SEMA3A: variants seen among roughly 807,000 people sequenced by gnomAD.
SEMA3A encodes the protein semaphorin-3A.
A neutral mutation model predicts 97.9 loss-of-function variants in SEMA3A; 29 were observed. The observed-to-expected ratio is 0.30, with a 90% CI of 0.22 to 0.40. The LOEUF is 0.40. Ranked by LOEUF, SEMA3A falls within the 10% of genes least tolerant of loss-of-function variation. The pLI, the probability that SEMA3A is intolerant of heterozygous loss-of-function variation, is 1.00. For synonymous variants in SEMA3A, 321 were observed against 323.7 expected (o/e 0.99, Z 0.09); for missense variants, 763 against 951.3 (o/e 0.80, Z 2.60).
chr7:84,186,882 T>A (rs1584100572), intron 1 of SEMA3A, among the ~76,000 whole-genome samples: 1 of 152,168 alleles, frequency 6.6e-6, no homozygotes, highest in East Asian at 1.9e-4. Flanking sequence ...TCTCAATCAG[T>A]ATCTTAAACA....
rs758758240 is a variant in SEMA3A, at chr7:83,961,574, C to T, written c.2113G>A (p.Asp705Asn). 19 of 1,614,108 alleles carry T rather than the reference C, an allele frequency of 1.2e-5. No homozygotes were observed. In the South Asian group the frequency reaches 1.6e-4, roughly 14 times the overall value. ...GGGTGGTTGATGAGCTGCATGAAGT[C>T]TCTGTACCAGACCTTCTGGCTAGGT... Reference protein sequence around the residue: ...MTPSQKVWYRDFMQLINHPNL... With the variant: ...MTPSQKVWYRNFMQLINHPNL... The change falls in exon 17 of 17, where the codon GAC becomes AAC. Residue 705 changes from aspartate to asparagine, a missense_variant. Physicochemically the swap from Asp to Asn is conservative, Grantham distance 23. Around this residue, in one of 2 missense-constraint regions of SEMA3A, gnomAD observed 678 missense variants for 881.3 expected, o/e 0.77. Transcript: ENST00000265362.
At chr7:84,272,828 C>T (rs79970498) in intron 3 of SEMA3A, among the ~76,000 whole-genome samples, 2 of 152,006 alleles carry the variant, frequency 1.3e-5, no homozygotes, top group Admixed American at 1.3e-4. Flanking sequence ...TCCAGCTCAG[C>T]TTTTTTCCAC....
chr7:84,449,501 T>C (rs938940510), intron 1 of SEMA3A, among the ~76,000 whole-genome samples: 50 of 152,070 alleles, frequency 3.3e-4, no homozygotes, highest in African/African-American at 1.2e-3. Context: ...CTACAGATCA[T>C]ACACATATAA....
At chr7:84,479,367 T>C (rs1806385282) in intron 1 of SEMA3A, among the ~76,000 whole-genome samples, 1 of 152,226 alleles carries the variant, frequency 6.6e-6, no homozygotes, top group Non-Finnish European at 1.5e-5. Context: ...GATACAGACA[T>C]AGGTAAAGAC....
At chr7:84,425,470 T>G (rs565007383) in intron 1 of SEMA3A, among the ~76,000 whole-genome samples, 1 of 140,756 alleles carries the variant, frequency 7.1e-6, no homozygotes, top group East Asian at 2.0e-4. Context: ...AATATATACA[T>G]ATATTTATAT....
chr7:84,008,298 T>C (rs1437160683), intron 9 of SEMA3A, among the ~76,000 whole-genome samples: 1 of 152,094 alleles, frequency 6.6e-6, no homozygotes, highest in African/African-American at 2.4e-5. Context: ...GAGACCATCC[T>C]GGCTAACACG....
intron 3 of SEMA3A, among the ~76,000 whole-genome samples, chr7:84,232,142 A>G (rs1301863080): frequency 6.6e-6 from 1 of 151,326 alleles, no homozygotes; most frequent in Non-Finnish European, 1.5e-5. Context: ...GTACAGCCTT[A>G]TTAATATCTG....
chr7:84,267,346 A>T (rs1306698720), intron 3 of SEMA3A, among the ~76,000 whole-genome samples: 2 of 152,146 alleles, frequency 1.3e-5, no homozygotes, highest in Non-Finnish European at 2.9e-5. Flanking sequence ...ACATGCATGT[A>T]CACACGAGCA....
Position 84,051,716 on chromosome 7 carries a change from T to A in SEMA3A, c.548-5273A>T, listed in dbSNP as rs926199969. The stretch of plus-strand genomic sequence containing the variant: ...ATACCCTTTATTTCTTTCTCCTGCC[T>A]AATTGCCCTGGCCAGAACTTCCAAC... On this transcript the variant is annotated intron_variant, in intron 5 of 16. Coordinates refer to ENST00000265362, the MANE Select transcript of SEMA3A (RefSeq NM_006080.3). Among the ~76,000 whole-genome samples, 5 of 152,236 alleles carry A rather than the reference T, an allele frequency of 3.3e-5. 1 individual carries two copies. Among genetic ancestry groups the A allele is most frequent in the Admixed American group, 2.6e-4 (4 of 15,290 alleles).
chr7:84,267,949 T>A (rs1800046723), intron 3 of SEMA3A, among the ~76,000 whole-genome samples: 2 of 152,290 alleles, frequency 1.3e-5, no homozygotes, highest in East Asian at 3.9e-4. Context: ...TACTTTTGTT[T>A]GTAACCTGTC....
At chr7:84,011,411 A>G in intron 7 of SEMA3A, 114 bp from the exon 8 acceptor site, 1 of 717,772 alleles carries the variant, frequency 1.4e-6, no homozygotes, top group South Asian at 1.8e-5. Flanking sequence ...CATGTTTTAA[A>G]AGTTCCTAAT....
intron 4 of SEMA3A, among the ~76,000 whole-genome samples, chr7:84,107,191 T>C (rs1448181971): frequency 1.3e-5 from 2 of 152,192 alleles, no homozygotes; most frequent in African/African-American, 2.4e-5. Flanking sequence ...CTTCTCCCAA[T>C]AGTAGAAGTA....
chr7:84,332,486 CT>C (rs958195247), intron 2 of SEMA3A, among the ~76,000 whole-genome samples: 2 of 152,112 alleles, frequency 1.3e-5, no homozygotes, highest in African/African-American at 4.8e-5. Context: ...TCTGTTCATT[CT>C]TTACTATAAG....
Position 84,174,010 on chromosome 7 carries a change from T to A in SEMA3A, c.112+20465A>T, listed in dbSNP as rs1303883017. ...GCTGGGGAGCAGTTGCTAATAAAGA[T>A]TAACATTAGCACTGAGGTGTGACTG... On this transcript the variant is annotated intron_variant, in intron 1 of 16. Transcript: ENST00000265362. 2.0e-5 allele frequency among the ~76,000 whole-genome samples: 3 copies of A among 152,186 alleles called. No individual in the cohort carries two copies. The East Asian group carries it at 5.8e-4, about 29-fold the overall frequency.
At chr7:84,156,890 C>A (rs2116148110) in intron 1 of SEMA3A, among the ~76,000 whole-genome samples, 1 of 152,184 alleles carries the variant, frequency 6.6e-6, no homozygotes, top group Non-Finnish European at 1.5e-5. Flanking sequence ...GTATTATTAT[C>A]AAATTCTTAC....
intron 1 of SEMA3A, among the ~76,000 whole-genome samples, chr7:84,167,322 A>T (rs1797244236): frequency 6.6e-6 from 1 of 152,204 alleles, no homozygotes; most frequent in Non-Finnish European, 1.5e-5. Context: ...TAATAGAAAC[A>T]GTAGTTCCTG....
intron 2 of SEMA3A, among the ~76,000 whole-genome samples, chr7:84,328,466 G>T (rs1801825729): frequency 6.6e-6 from 1 of 151,902 alleles, no homozygotes; most frequent in South Asian, 2.1e-4. Flanking sequence ...AAAATAGACA[G>T]TAACTTTTAG....
chr7:83,968,069 G>A (rs958095052), intron 15 of SEMA3A, among the ~76,000 whole-genome samples: 1 of 152,124 alleles, frequency 6.6e-6, no homozygotes, highest in African/African-American at 2.4e-5. Context: ...GCACAGTATA[G>A]CTCTACTCTA....
intron 2 of SEMA3A, among the ~76,000 whole-genome samples, chr7:84,329,123 T>C (rs765243502): frequency 1.8e-4 from 28 of 151,812 alleles, no homozygotes; most frequent in Non-Finnish European, 3.1e-4. Context: ...AAAAACCCGA[T>C]TGCATCAAGC....
Sources: allele counts gnomAD v4.1 joint callset (sites outside exome capture counted in the v4.1 genomes callset), GRCh38; gene constraint gnomAD v4.1.1; regional missense constraint gnomAD v4.1.1; transcripts MANE v1.5; gene names NCBI Gene and HGNC (gene_info 2026-07-23, HGNC 2026-07-21).